Variants in RBFOX1 observed in about 807,000 individuals in gnomAD.
RBFOX1 encodes the protein RNA binding protein fox-1 homolog 1.
A neutral mutation model predicts 57.7 loss-of-function variants in RBFOX1; 8 were observed. The observed-to-expected ratio is 0.14, with a 90% CI of 0.08 to 0.25. The LOEUF (loss-of-function observed/expected upper bound fraction) is 0.25, where lower values mean the gene tolerates loss of function less well. RBFOX1 is among the 10% of genes least tolerant of loss of function. The probability of loss-of-function intolerance (pLI) is 1.00; values close to 1 mark genes in which losing one functional copy is unlikely to be tolerated. For synonymous variants in RBFOX1, 326 were observed against 222.4 expected, an observed-to-expected ratio of 1.47 and a Z score of -4.15; for missense variants, 611 against 548.5, an observed-to-expected ratio of 1.11 and a Z score of -1.14.
chr16:6,951,036 G>A (rs1385300453), intron 3 of RBFOX1, among the ~76,000 whole-genome samples: 2 of 151,986 alleles, frequency 1.3e-5, no homozygotes, highest in Non-Finnish European at 2.9e-5. Context: ...CTCTCGAGTA[G>A]GTGGGACTAC....
At chr16:6,199,584 C>G (rs1019022149) in intron 1 of RBFOX1, among the ~76,000 whole-genome samples, 3 of 152,140 alleles carry the variant, frequency 2.0e-5, no homozygotes, top group Non-Finnish European at 4.4e-5. Context: ...GGTCTTTAAT[C>G]TGTTTAATAA....
intron 3 of RBFOX1, among the ~76,000 whole-genome samples, chr16:6,763,270 T>C (rs1345293166): frequency 6.6e-6 from 1 of 152,218 alleles, no homozygotes; most frequent in African/African-American, 2.4e-5. Flanking sequence ...CACAATTTCC[T>C]CCTGTTAGTG....
intron 3 of RBFOX1, among the ~76,000 whole-genome samples, chr16:6,913,399 G>T (rs954851993): frequency 3.9e-5 from 6 of 151,964 alleles, no homozygotes; most frequent in African/African-American, 1.5e-4. Context: ...TGTCTCTTCC[G>T]GCAAGCCACG....
intron 3 of RBFOX1, among the ~76,000 whole-genome samples, chr16:5,786,849 A>G (rs2054518020): frequency 6.6e-6 from 1 of 152,186 alleles, no homozygotes; most frequent in Admixed American, 6.5e-5. Flanking sequence ...TGAAAGGTAG[A>G]ATGAAGCCGG....
At chr16:7,083,450 G>T (rs879683032) in intron 4 of RBFOX1, among the ~76,000 whole-genome samples, 1 of 151,954 alleles carries the variant, frequency 6.6e-6, no homozygotes, top group African/African-American at 2.4e-5. Context: ...AGAAGCTTAA[G>T]ATTAAATATA....
chr16:6,129,702 T>TAAAA (rs35279011), intron 1 of RBFOX1, among the ~76,000 whole-genome samples: 15 of 121,190 alleles, frequency 1.2e-4, no homozygotes, highest in Admixed American at 3.3e-4. Context: ...CAGGTAGAAT[T>TAAAA]AAAAAAAAAA....
At chr16:7,274,348 A>G (rs545096937) in intron 4 of RBFOX1, among the ~76,000 whole-genome samples, 19 of 152,196 alleles carry the variant, frequency 1.2e-4, no homozygotes, top group Non-Finnish European at 2.5e-4. Flanking sequence ...TGAAATTCAG[A>G]AAGTTTAACT....
At chr16:7,095,933 A>T (rs1274713966) in intron 4 of RBFOX1, among the ~76,000 whole-genome samples, 2 of 151,032 alleles carry the variant, frequency 1.3e-5, no homozygotes, top group African/African-American at 2.4e-5. Flanking sequence ...GAATGGCATG[A>T]ACCCAGGAGG....
At chr16:6,801,517 T>C (rs1033703621) in intron 3 of RBFOX1, among the ~76,000 whole-genome samples, 1 of 152,064 alleles carries the variant, frequency 6.6e-6, no homozygotes, top group Non-Finnish European at 1.5e-5. Flanking sequence ...CTGCTTGTCA[T>C]GGGTAAGCAA....
At chr16:6,046,015 G>A (rs372622229) in intron 1 of RBFOX1, among the ~76,000 whole-genome samples, 3 of 152,204 alleles carry the variant, frequency 2.0e-5, no homozygotes, top group African/African-American at 4.8e-5. Flanking sequence ...GGAAGGGAAC[G>A]TCTCATGCAG....
chr16:6,499,817 G>C (rs902781084), intron 2 of RBFOX1, among the ~76,000 whole-genome samples: 1 of 152,004 alleles, frequency 6.6e-6, no homozygotes, highest in African/African-American at 2.4e-5. Context: ...GGGCATTCGC[G>C]GGTAATCGAT....
intron 4 of RBFOX1, among the ~76,000 whole-genome samples, chr16:5,972,063 C>G (rs1355442458): frequency 6.6e-6 from 1 of 152,206 alleles, no homozygotes; most frequent in Non-Finnish European, 1.5e-5. Context: ...GGGTCTGCAG[C>G]CTGCTGCCTT....
At chr16:7,353,755 C>G (rs2097167917) in intron 4 of RBFOX1, among the ~76,000 whole-genome samples, 1 of 152,090 alleles carries the variant, frequency 6.6e-6, no homozygotes, top group East Asian at 1.9e-4. Flanking sequence ...TCAGCATAAG[C>G]AAACCTATAG....
At chr16:6,784,052 C>G (rs1208964887) in intron 3 of RBFOX1, among the ~76,000 whole-genome samples, 1 of 152,082 alleles carries the variant, frequency 6.6e-6, no homozygotes, top group Non-Finnish European at 1.5e-5. Context: ...TTTTCTCCTG[C>G]TACTCTTAGG....
intron 4 of RBFOX1, among the ~76,000 whole-genome samples, chr16:7,129,054 C>G (rs1341825579): frequency 6.6e-6 from 1 of 151,884 alleles, no homozygotes; most frequent in Non-Finnish European, 1.5e-5. Flanking sequence ...ACCTTAACCT[C>G]GTGATCCGCC....
chr16:6,820,484 G>A (rs1181896503), intron 3 of RBFOX1, among the ~76,000 whole-genome samples: 3 of 152,050 alleles, frequency 2.0e-5, no homozygotes, highest in Admixed American at 6.6e-5. Context: ...TAGAAAAACC[G>A]TCTCTACAGA....
chr16:6,991,771 A>C (rs1035367766), intron 3 of RBFOX1, among the ~76,000 whole-genome samples: 1 of 152,138 alleles, frequency 6.6e-6, no homozygotes, highest in African/African-American at 2.4e-5. Flanking sequence ...TCCTGAGCCC[A>C]AGCAATCTGC....
chr16:6,619,284 A>G (rs751889523), intron 2 of RBFOX1, among the ~76,000 whole-genome samples: 2 of 152,190 alleles, frequency 1.3e-5, no homozygotes, highest in Non-Finnish European at 2.9e-5. Context: ...TTCCATGATA[A>G]TGAGTTGGTG....
intron 3 of RBFOX1, among the ~76,000 whole-genome samples, chr16:6,857,608 TTA>T (rs1161732368): frequency 6.6e-6 from 1 of 152,164 alleles, no homozygotes; most frequent in African/African-American, 2.4e-5. Flanking sequence ...GCCAAGAACA[TTA>T]TGTTTTATTT....
Sources: allele counts gnomAD v4.1 joint callset (sites outside exome capture counted in the v4.1 genomes callset), GRCh38; gene constraint gnomAD v4.1.1; transcripts MANE v1.5; gene names NCBI Gene and HGNC (gene_info 2026-07-23, HGNC 2026-07-21).